GCLC: variants seen among roughly 807,000 people sequenced by gnomAD.
The protein encoded by GCLC is glutamate--cysteine ligase catalytic subunit.
GCLC carries 30 observed loss-of-function variants against 81.5 expected under a neutral mutation model. That is an observed-to-expected ratio of 0.37 (90% CI 0.28 to 0.50). The LOEUF (loss-of-function observed/expected upper bound fraction) is 0.50. Among genes scored for constraint, GCLC ranks in the 20% least tolerant of loss-of-function variants. The pLI is 0.96. For missense variants in GCLC, 556 were observed against 777.4 expected (o/e 0.72, Z 3.39); for synonymous variants, 262 against 273.3 (o/e 0.96, Z 0.41).
chr6:53,541,868 A>C (rs1763361735), intron 1 of GCLC, among the ~76,000 whole-genome samples: 2 of 152,226 alleles, frequency 1.3e-5, no homozygotes, highest in South Asian at 4.2e-4. Flanking sequence ...CAGTGTTATC[A>C]AATCTTTTTT....
At chr6:53,517,079 ATTTTTTT>A (rs71546114) in intron 3 of GCLC, among the ~76,000 whole-genome samples, 4 of 104,432 alleles carry the variant, frequency 3.8e-5, no homozygotes, top group Admixed American at 1.3e-4. Context: ...TTAAAAAAAA[ATTTTTTT>A]TTTTTTTTTT....
At chr6:53,517,078 A>ATTTTTTTTTTTTTTTTTTTTTTTTTTTT in intron 3 of GCLC, among the ~76,000 whole-genome samples, 1 of 105,174 alleles carries the variant, frequency 9.5e-6, no homozygotes, top group Non-Finnish European at 1.9e-5. Context: ...TTTAAAAAAA[A>ATTTTTTTTTTTTTTTTTTTTTTTTTTTT]ATTTTTTTTT....
At chr6:53,504,429 T>C (rs1415075587) in intron 12 of GCLC, among the ~76,000 whole-genome samples, 1 of 152,170 alleles carries the variant, frequency 6.6e-6, no homozygotes, top group South Asian at 2.1e-4. Context: ...AGGCTGTTAA[T>C]TGTTCTCAAT....
At chr6:53,508,865 G>C (rs1764676001) in intron 7 of GCLC, among the ~76,000 whole-genome samples, 154 bp from the exon 8 acceptor site, 1 of 152,146 alleles carries the variant, frequency 6.6e-6, no homozygotes, top group Non-Finnish European at 1.5e-5. Flanking sequence ...AAATATACCA[G>C]GAAGAATCCA....
chr6:53,534,014 T>C (rs113021366), intron 1 of GCLC, among the ~76,000 whole-genome samples: 3,537 of 152,188 alleles, frequency 0.023, 117 homozygotes, highest in African/African-American at 0.079. Context: ...AGGCTGGTCT[T>C]GAACTCCTGA....
chr6:53,514,363 A>G lies in GCLC; in HGVS notation c.620-26T>C, dbSNP rs116812493. ...CTGTATTATAAAAATACAAAAATAA[A>G]AATGGTTTAGAATCCAGGATTAAAC... On this transcript the variant is annotated intron_variant, in intron 5 of 15. Coordinates refer to ENST00000650454, the MANE Select transcript of GCLC (RefSeq NM_001498.4). 1.7e-3 allele frequency: 2,653 copies of G among 1,590,776 alleles called. 37 individuals carry two copies. The African/African-American group carries it at 0.033, about 20-fold the overall frequency.
rs1054397918 is a variant in GCLC, at chr6:53,544,797, C to G, written c.-152G>C. 3.1e-5 allele frequency: 20 copies of G among 637,530 alleles called. No individual in the cohort carries two copies. Among genetic ancestry groups the G allele is most frequent in the Admixed American group, 1.3e-4 (3 of 23,200 alleles). 39.5% of individuals were successfully genotyped at this position (637,530 alleles called of 1,614,324 possible). On this transcript the variant is annotated 5_prime_UTR_variant, in exon 1 of 16. Coordinates refer to ENST00000650454, the MANE Select transcript of GCLC (RefSeq NM_001498.4). Reference sequence around the variant, plus strand: ...CGCAGTCGGCGGAGGGAGGGTCCTGCCCGCTCCGGCTCCCCGGCGGCGGCC... The same window carrying G: ...CGCAGTCGGCGGAGGGAGGGTCCTGGCCGCTCCGGCTCCCCGGCGGCGGCC...
intron 2 of GCLC, among the ~76,000 whole-genome samples, chr6:53,522,017 C>A (rs1763008184): frequency 6.6e-6 from 1 of 152,230 alleles, no homozygotes; most frequent in South Asian, 2.1e-4. Flanking sequence ...CAAAGCCCAT[C>A]TGCAACTTAT....
chr6:53,532,270 T>C (rs1170452556), intron 1 of GCLC, among the ~76,000 whole-genome samples: 2 of 152,216 alleles, frequency 1.3e-5, no homozygotes, highest in Non-Finnish European at 2.9e-5. Context: ...TGGACCTGCT[T>C]TGGGCAGCTC....
rs534851922 is a variant in GCLC, at chr6:53,518,478, T to G, written c.447-2256A>C. Among the ~76,000 whole-genome samples the G allele has an allele frequency of 2.6e-5, 4 of 152,320 alleles. No individual in the cohort carries two copies. In the South Asian group the frequency reaches 6.2e-4, roughly 24 times the overall value. ...GTTGGCCAGGCTGGTCTCGAACTCCTGACTTCAGGTGATCCGCCTGCCTCG... is the reference window on the plus strand; with the variant it reads ...GTTGGCCAGGCTGGTCTCGAACTCCGGACTTCAGGTGATCCGCCTGCCTCG... On this transcript the variant is annotated intron_variant, in intron 3 of 15. Transcript: ENST00000650454.
chr6:53,508,229 T>C (rs1764655235), intron 8 of GCLC, among the ~76,000 whole-genome samples: 1 of 152,068 alleles, frequency 6.6e-6, no homozygotes. Context: ...AAACAAGAGG[T>C]GCCATCTCAC....
At chr6:53,504,109 G>A (rs904356711) in intron 12 of GCLC, among the ~76,000 whole-genome samples, 5 of 152,196 alleles carry the variant, frequency 3.3e-5, no homozygotes, top group African/African-American at 4.8e-5. Flanking sequence ...GGCAGCAGGA[G>A]GACGATCATT....
At chr6:53,529,568 C>T (rs9474583) in intron 1 of GCLC, among the ~76,000 whole-genome samples, 3,539 of 152,282 alleles carry the variant, frequency 0.023, 116 homozygotes, top group African/African-American at 0.079. Context: ...AACCAGAACA[C>T]ATTTTCTCTT....
At chr6:53,525,244 T>C (rs1206629482) in intron 1 of GCLC, among the ~76,000 whole-genome samples, 1 of 152,220 alleles carries the variant, frequency 6.6e-6, no homozygotes, top group East Asian at 1.9e-4. Context: ...TTTAGCTTTT[T>C]GTTAAACACC....
chr6:53,514,526 T>G, intron 4 of GCLC, 29 bp from the exon 5 acceptor site: 1 of 1,548,766 alleles, frequency 6.5e-7, no homozygotes, highest in African/African-American at 1.4e-5. Context: ...CGTCATAAAT[T>G]GGTCACCTAA....
chr6:53,533,075 T>C (rs1763199703), intron 1 of GCLC, among the ~76,000 whole-genome samples: 1 of 152,210 alleles, frequency 6.6e-6, no homozygotes, highest in African/African-American at 2.4e-5. Flanking sequence ...CATCCTTCTC[T>C]GTCTTTTTAA....
At chr6:53,529,776 C>T (rs1302506384) in intron 1 of GCLC, among the ~76,000 whole-genome samples, 1 of 152,238 alleles carries the variant, frequency 6.6e-6, no homozygotes, top group Non-Finnish European at 1.5e-5. Context: ...TGCTTTGGAT[C>T]AACTGCCCTG....
intron 8 of GCLC, among the ~76,000 whole-genome samples, chr6:53,507,937 T>C (rs1030298750): frequency 2.6e-5 from 4 of 152,186 alleles, no homozygotes; most frequent in African/African-American, 7.2e-5. Flanking sequence ...CCTATCAAAA[T>C]AATTATCCTT....
chr6:53,541,011 T>C lies in GCLC; in HGVS notation c.150+3485A>G, dbSNP rs374788431. 5.5e-3 allele frequency among the ~76,000 whole-genome samples: 834 copies of C among 152,246 alleles called. 6 individuals carry two copies. The highest frequency in any genetic ancestry group is 0.027 in the South Asian group (132 of 4,828). On this transcript the variant is annotated intron_variant, in intron 1 of 15. Transcript: ENST00000650454. ...AGGTGGATCACCTGAGGTCAGGAGT[T>C]CGAGACCAGCCTGGCCAACATGGTG...
Sources: allele counts gnomAD v4.1 joint callset (sites outside exome capture counted in the v4.1 genomes callset), GRCh38; gene constraint gnomAD v4.1.1; transcripts MANE v1.5; gene names NCBI Gene and HGNC (gene_info 2026-07-23, HGNC 2026-07-21).